Variants in KIAA0825 observed in about 807,000 individuals in gnomAD.
KIAA0825 encodes the protein uncharacterized protein KIAA0825.
Under a neutral mutation model 147.6 loss-of-function variants are expected in KIAA0825, and 119 were observed. That is an observed-to-expected ratio of 0.81 (90% CI 0.69 to 0.94). The LOEUF (loss-of-function observed/expected upper bound fraction) is 0.94, where lower values mean the gene tolerates loss of function less well. Ranked by LOEUF, KIAA0825 falls within the 40% of genes least tolerant of loss-of-function variation. The pLI, the probability that KIAA0825 is intolerant of heterozygous loss-of-function variation, is 0.00. For missense variants in KIAA0825, 1,381 were observed against 1,472.7 expected (o/e 0.94, Z 1.02); for synonymous variants, 470 against 518.1 (o/e 0.91, Z 1.26).
chr5:94,555,906 A>G (rs1776449176), intron 2 of KIAA0825, among the ~76,000 whole-genome samples: 1 of 152,240 alleles, frequency 6.6e-6, no homozygotes, highest in African/African-American at 2.4e-5. Context: ...AATGATATTA[A>G]CTAATGAATT....
chr5:94,517,277 C>G (rs969521496), intron 5 of KIAA0825, among the ~76,000 whole-genome samples: 6 of 152,028 alleles, frequency 3.9e-5, no homozygotes, highest in African/African-American at 1.4e-4. Context: ...AAATATTTAC[C>G]TCTCTGAATC....
chr5:94,337,815 G>A (rs149262834), intron 20 of KIAA0825, among the ~76,000 whole-genome samples: 1 of 152,204 alleles, frequency 6.6e-6, no homozygotes, highest in South Asian at 2.1e-4. Flanking sequence ...TCATGCAGGA[G>A]TTGTAGGCCA....
intron 20 of KIAA0825, among the ~76,000 whole-genome samples, chr5:94,187,673 C>T (rs1583790421): frequency 6.6e-6 from 1 of 152,116 alleles, no homozygotes; most frequent in East Asian, 1.9e-4. Flanking sequence ...GATCCGCCCA[C>T]CTCGGCCTCC....
At position 94,471,724 on chromosome 5, in the gene KIAA0825, G is replaced by A; in HGVS notation, c.1463C>T (p.Ser488Phe). Residue 488 changes from serine to phenylalanine, a missense_variant, in exon 9 of 21, where the codon TCT becomes TTT. Transcript: ENST00000682413. ...EQPKKIGKFCSDIMEKLDTML... is the reference protein window; with the variant it reads ...EQPKKIGKFCFDIMEKLDTML... ...TGTGTCAAGTTTTTCCATGATGTCA[G>A]AACAAAACTAGGGAGAAATAAATGT... 6.4e-7 allele frequency: 1 copy of A among 1,552,206 alleles called. No homozygotes were observed. The highest frequency in any genetic ancestry group is 8.7e-7 in the Non-Finnish European group (1 of 1,147,090).
chr5:94,476,481 G>A (rs916435586), intron 7 of KIAA0825, among the ~76,000 whole-genome samples: 2 of 152,116 alleles, frequency 1.3e-5, no homozygotes, highest in African/African-American at 4.8e-5. Context: ...GCTGCATGGT[G>A]GGAACAGGGC....
intron 5 of KIAA0825, among the ~76,000 whole-genome samples, chr5:94,490,220 TCATACAA>T (rs1454951071): frequency 6.6e-6 from 1 of 152,112 alleles, no homozygotes; most frequent in Non-Finnish European, 1.5e-5. Flanking sequence ...CAGCATAATC[TCATACAA>T]AGTAGGTACT....
intron 5 of KIAA0825, among the ~76,000 whole-genome samples, chr5:94,491,065 C>T (rs886317900): frequency 2.0e-5 from 3 of 151,980 alleles, no homozygotes; most frequent in African/African-American, 7.2e-5. Flanking sequence ...TGAGAAGCTA[C>T]ACAATCAGAT....
intron 20 of KIAA0825, among the ~76,000 whole-genome samples, chr5:94,183,237 T>A (rs1416507880): frequency 3.3e-5 from 5 of 152,122 alleles, no homozygotes; most frequent in African/African-American, 1.2e-4. Context: ...CCATGACAAC[T>A]CTTAAGAATC....
At chr5:94,313,845 C>T (rs144770866) in intron 20 of KIAA0825, among the ~76,000 whole-genome samples, 246 of 151,616 alleles carry the variant, frequency 1.6e-3, no homozygotes, top group South Asian at 1.2e-3. Context: ...TTACGGCTGC[C>T]CCACATTTAT....
intron 20 of KIAA0825, among the ~76,000 whole-genome samples, chr5:94,170,171 T>C (rs36026719): frequency 0.11 from 16,253 of 151,976 alleles, 967 homozygotes; most frequent in Middle Eastern, 0.15. Flanking sequence ...TGGTGGCGGG[T>C]GCCTGTAGTC....
intron 20 of KIAA0825, 60 bp downstream of exon 20, chr5:94,384,308 C>T: frequency 8.4e-7 from 1 of 1,188,986 alleles, no homozygotes; most frequent in Non-Finnish European, 1.2e-6. Context: ...TATACACACA[C>T]ACACGCACAC....
chr5:94,450,882 G>A (rs1462529597), intron 13 of KIAA0825, among the ~76,000 whole-genome samples: 1 of 152,156 alleles, frequency 6.6e-6, no homozygotes, highest in African/African-American at 2.4e-5. Flanking sequence ...ATCCTGAACT[G>A]CTCTTCCCTT....
At chr5:94,242,113 T>G (rs1775375459) in intron 20 of KIAA0825, among the ~76,000 whole-genome samples, 1 of 152,218 alleles carries the variant, frequency 6.6e-6, no homozygotes, top group Non-Finnish European at 1.5e-5. Context: ...CTAAGTTGAT[T>G]GACAGGTATG....
Position 94,582,469 on chromosome 5 carries a change from T to A in KIAA0825, c.-38A>T, listed in dbSNP as rs1277896189. On this transcript the variant is annotated 5_prime_UTR_variant, in exon 2 of 21. Coordinates refer to ENST00000682413, the MANE Select transcript of KIAA0825 (RefSeq NM_001145678.3). Reference sequence around the variant, plus strand: ...TCAGAAGACACTAAGAATGAACTGGTCTTCGAATCCTAAGGAGGTAGAAAA... The same window carrying A: ...TCAGAAGACACTAAGAATGAACTGGACTTCGAATCCTAAGGAGGTAGAAAA... 1 of 152,242 alleles carries A rather than the reference T, an allele frequency of 6.6e-6. No individual in the cohort carries two copies. Among genetic ancestry groups the A allele is most frequent in the East Asian group, 1.9e-4 (1 of 5,200 alleles). The allele number at this position is 152,242 out of a possible 1,614,324, so 9.4% of individuals were successfully genotyped here.
intron 1 of KIAA0825, among the ~76,000 whole-genome samples, chr5:94,600,982 T>C (rs1422266327): frequency 3.9e-5 from 6 of 152,120 alleles, no homozygotes; most frequent in Admixed American, 6.5e-5. Context: ...TTCAGCAACT[T>C]AGGTGTTTCA....
intron 1 of KIAA0825, among the ~76,000 whole-genome samples, chr5:94,587,251 T>C (rs1334123979): frequency 1.3e-5 from 2 of 152,170 alleles, no homozygotes; most frequent in African/African-American, 4.8e-5. Flanking sequence ...GGAAGTCAAA[T>C]TGTCCCTGTT....
intron 16 of KIAA0825, 96 bp downstream of exon 16, chr5:94,403,473 C>T (rs1751655933): frequency 3.6e-6 from 3 of 839,982 alleles, no homozygotes; most frequent in Non-Finnish European, 5.6e-6. Flanking sequence ...TAATATAGTT[C>T]ATCATTCTTA....
intron 20 of KIAA0825, among the ~76,000 whole-genome samples, chr5:94,301,565 A>G (rs2150180360): frequency 6.6e-6 from 1 of 152,188 alleles, no homozygotes; most frequent in East Asian, 1.9e-4. Context: ...AACCCTGTAT[A>G]TGAGTGCTTA....
Position 94,364,194 on chromosome 5 carries a change from T to C in KIAA0825, c.3710+20174A>G, listed in dbSNP as rs1444072140. ...TGTAGTGTATAAATGCCCCGAGAAT[T>C]GGGAAGACAGAAGGTTTTTGAGAGC... On this transcript the variant is annotated intron_variant, in intron 20 of 20. Transcript: ENST00000682413. 2.0e-5 allele frequency among the ~76,000 whole-genome samples: 3 copies of C among 151,016 alleles called. No individual in the cohort carries two copies. In the East Asian group the frequency reaches 5.9e-4, roughly 30 times the overall value.
Sources: allele counts gnomAD v4.1 joint callset (sites outside exome capture counted in the v4.1 genomes callset), GRCh38; gene constraint gnomAD v4.1.1; transcripts MANE v1.5; gene names NCBI Gene and HGNC (gene_info 2026-07-23, HGNC 2026-07-21).